Variants in GOLGA4 observed in about 807,000 individuals in gnomAD.
GOLGA4 encodes the protein golgin subfamily A member 4.
GOLGA4 carries 169 observed loss-of-function variants against 265.9 expected under a neutral mutation model. The observed-to-expected ratio is 0.64, with a 90% CI of 0.56 to 0.72. The LOEUF is 0.72. Among genes scored for constraint, GOLGA4 ranks in the 30% least tolerant of loss-of-function variants. The probability of loss-of-function intolerance (pLI) is 0.00; values close to 1 mark genes in which losing one functional copy is unlikely to be tolerated. For synonymous variants in GOLGA4, 923 were observed against 855.8 expected (o/e 1.08, Z -1.37); for missense variants, 2,482 against 2,483.4 (o/e 1.00, Z 0.01).
rs570567801 is a variant in GOLGA4, at chr3:37,346,016, G to A, written c.6473-1177G>A. 6.6e-5 allele frequency among the ~76,000 whole-genome samples: 10 copies of A among 151,932 alleles called. No individual in the cohort carries two copies. The South Asian group carries it at 1.9e-3, about 29-fold the overall frequency. On this transcript the variant is annotated intron_variant, in intron 20 of 23. Transcript: ENST00000361924. ...TTTCTGAAAAGTGAAAAAGAGGTGC[G>A]TTTTGTATAGATCTAGAGGAATAAA... is the stretch of plus-strand genomic sequence containing the variant.
chr3:37,263,212 G>T (rs907125320), intron 2 of GOLGA4, among the ~76,000 whole-genome samples: 2 of 152,296 alleles, frequency 1.3e-5, no homozygotes, highest in African/African-American at 4.8e-5. Flanking sequence ...CTAGTTTGTA[G>T]CGTAGGAGCA....
intron 2 of GOLGA4, among the ~76,000 whole-genome samples, chr3:37,265,001 C>G (rs2150686516): frequency 6.6e-6 from 1 of 152,182 alleles, no homozygotes; most frequent in Non-Finnish European, 1.5e-5. Flanking sequence ...ACCCATTTCT[C>G]CCCAGTAGTA....
intron 2 of GOLGA4, among the ~76,000 whole-genome samples, chr3:37,268,843 T>C (rs2096790574): frequency 6.6e-6 from 1 of 152,216 alleles, no homozygotes; most frequent in Admixed American, 6.5e-5. Context: ...GTGCTGGAAT[T>C]ACAGGCCTGA....
intron 1 of GOLGA4, among the ~76,000 whole-genome samples, chr3:37,246,958 A>G (rs1402007491): frequency 2.6e-5 from 4 of 152,190 alleles, no homozygotes; most frequent in Non-Finnish European, 5.9e-5. Context: ...AGTTCCACAG[A>G]TAACAGGGAA....
At chr3:37,341,335 A>T (rs146651917) in intron 20 of GOLGA4, among the ~76,000 whole-genome samples, 197 of 152,330 alleles carry the variant, frequency 1.3e-3, no homozygotes, top group Admixed American at 8.0e-3. Flanking sequence ...TATTAAGAAT[A>T]GTTTTATTTT....
At chr3:37,347,378 A>G (rs766556429) in intron 21 of GOLGA4, 82 bp downstream of exon 21, 69 of 745,466 alleles carry the variant, frequency 9.3e-5, no homozygotes, top group Non-Finnish European at 1.4e-4. Context: ...TGTGAATGCC[A>G]TATGTTTACT....
intron 2 of GOLGA4, among the ~76,000 whole-genome samples, chr3:37,274,036 G>A (rs905006398): frequency 6.7e-6 from 1 of 148,708 alleles, no homozygotes; most frequent in Non-Finnish European, 1.5e-5. Context: ...GGAGGCATAC[G>A]TTGTCATGAG....
rs1266870850 is a variant in GOLGA4 at position 37,258,038 on chromosome 3, TATAC to T, written c.162+6562_162+6565del. Among the ~76,000 whole-genome samples, 5 of 68,852 alleles carry T rather than the reference TATAC, an allele frequency of 7.3e-5. 1 individual carries two copies. The highest frequency in any genetic ancestry group is 2.9e-4 in the South Asian group (1 of 3,408). 45.2% of individuals were successfully genotyped at this position (68,852 alleles called of 152,430 possible). ...ATATATATGTATGTATATATGTATA[TATAC>T]ATACATATATATATGTATGTATATA... On this transcript the variant is annotated intron_variant, in intron 2 of 23. Transcript: ENST00000361924.
At position 37,324,048 on chromosome 3, in the gene GOLGA4, T is replaced by C. The variant is rs747385307; in HGVS notation, c.2162T>C (p.Leu721Ser). 9.3e-6 allele frequency: 15 copies of C among 1,614,038 alleles called. No homozygotes were observed. The highest frequency in any genetic ancestry group is 1.7e-5 in the Admixed American group (1 of 60,014). The part of the protein sequence containing the change: ...KDQTDKMKQE[L>S]EAKMDEQKNH... ...CAAACAGATAAAATGAAGCAGGAAT[T>C]AGAGGCCAAGATGGATGAACAGAAA... The change falls in exon 14 of 24, where the codon TTA becomes TCA. Residue 721 changes from leucine to serine, a missense_variant. By Grantham distance (145) the Leu-to-Ser change is moderately radical. Coordinates refer to ENST00000361924, the MANE Select transcript of GOLGA4 (RefSeq NM_002078.5).
At chr3:37,246,023 C>T (rs752241731) in intron 1 of GOLGA4, among the ~76,000 whole-genome samples, 1 of 152,042 alleles carries the variant, frequency 6.6e-6, no homozygotes, top group African/African-American at 2.4e-5. Flanking sequence ...CGCTTGAACT[C>T]AGTAGTTCAA....
At chr3:37,253,519 G>A (rs1333695591) in intron 2 of GOLGA4, among the ~76,000 whole-genome samples, 3 of 151,884 alleles carry the variant, frequency 2.0e-5, no homozygotes, top group African/African-American at 7.3e-5. Context: ...ATGAAGTGAT[G>A]ACAATGCTTT....
intron 2 of GOLGA4, among the ~76,000 whole-genome samples, chr3:37,279,610 A>T (rs940069345): frequency 2.0e-5 from 3 of 152,156 alleles, no homozygotes; most frequent in Non-Finnish European, 4.4e-5. Context: ...TGAAAATGTT[A>T]AAAAGTCCTG....
chr3:37,251,500 C>G lies in GOLGA4; in HGVS notation c.162+16C>G, dbSNP rs768282236. On this transcript the variant is annotated intron_variant, in intron 2 of 23. Transcript: ENST00000361924. ...CAATAGAGAGGTAAGTTTGGAATTC[C>G]TTTTCTAGTATACCTCTCAAAAGAA... The G allele has an allele frequency of 6.8e-7, 1 of 1,460,048 alleles. No individual in the cohort carries two copies. The highest frequency in any genetic ancestry group is 1.7e-5 in the Admixed American group (1 of 59,608). 90.4% of individuals were successfully genotyped at this position (1,460,048 alleles called of 1,614,324 possible). A position where few individuals can be genotyped will look rare whatever the true frequency, so the allele number is the denominator to read the frequency against.
intron 5 of GOLGA4, 94 bp downstream of exon 5, chr3:37,289,385 A>G (rs762764551): frequency 1.1e-4 from 84 of 753,206 alleles, no homozygotes; most frequent in Non-Finnish European, 1.7e-4. Flanking sequence ...TATGCATCTC[A>G]TTAGTTATAC....
At chr3:37,275,215 C>CAAAAAAAAAAAA (rs749758741) in intron 2 of GOLGA4, among the ~76,000 whole-genome samples, 15 of 44,942 alleles carry the variant, frequency 3.3e-4, no homozygotes, top group African/African-American at 5.3e-4. Flanking sequence ...GACTCCGTCT[C>CAAAAAAAAAAAA]AAAAAAAAAA....
intron 1 of GOLGA4, among the ~76,000 whole-genome samples, chr3:37,247,011 G>C (rs553049378): frequency 6.6e-6 from 1 of 152,268 alleles, no homozygotes; most frequent in South Asian, 2.1e-4. Context: ...GTAAATCCAA[G>C]TTTACTAAAT....
chr3:37,339,115 G>A (rs1244370427), intron 19 of GOLGA4, among the ~76,000 whole-genome samples: 2 of 152,102 alleles, frequency 1.3e-5, no homozygotes, highest in African/African-American at 4.8e-5. Flanking sequence ...GCCTGCCTCA[G>A]CCTCCCAAAG....
chr3:37,319,288 A>G (rs2096947845), intron 12 of GOLGA4, 94 bp downstream of exon 12: 7 of 977,278 alleles, frequency 7.2e-6, no homozygotes, highest in Non-Finnish European at 1.1e-5. Context: ...TGGAAGTCAG[A>G]CTACTGGCAG....
intron 19 of GOLGA4, among the ~76,000 whole-genome samples, chr3:37,338,703 C>A (rs1431849750): frequency 1.3e-5 from 2 of 152,064 alleles, no homozygotes; most frequent in Non-Finnish European, 2.9e-5. Flanking sequence ...TTTCATCACC[C>A]CAAGAGGAAA....
Sources: allele counts gnomAD v4.1 joint callset (sites outside exome capture counted in the v4.1 genomes callset), GRCh38; gene constraint gnomAD v4.1.1; transcripts MANE v1.5; gene names NCBI Gene and HGNC (gene_info 2026-07-23, HGNC 2026-07-21).